The following GSG1L variants were observed in gnomAD, a reference collection of about 807,000 sequenced individuals.
GSG1L encodes GSG1 like, also known as germ cell-specific gene 1-like protein.
GSG1L carries 24 observed loss-of-function variants against 42.1 expected under a neutral mutation model. The observed-to-expected ratio is 0.57, with a 90% CI of 0.41 to 0.80. The LOEUF is 0.80. Among genes scored for constraint, GSG1L ranks in the 30% least tolerant of loss-of-function variants. GSG1L has a pLI of 0.00. For synonymous variants in GSG1L, 215 were observed against 203.5 expected, an observed-to-expected ratio of 1.06 and a Z score of -0.48; for missense variants, 445 against 472.2, an observed-to-expected ratio of 0.94 and a Z score of 0.53.
chr16:27,998,229 C>T (rs2085540495), intron 1 of GSG1L: 1 of 152,200 alleles, frequency 6.6e-6, no homozygotes, highest in Admixed American at 6.5e-5. Flanking sequence ...ATTTAGCTCC[C>T]ATTTATAAGT....
At chr16:27,860,906 G>A (rs958889449) in intron 3 of GSG1L, among the ~76,000 whole-genome samples, 2 of 152,136 alleles carry the variant, frequency 1.3e-5, no homozygotes, top group East Asian at 3.9e-4. Context: ...TGTTACAGAA[G>A]CTGTGGTAGA....
At chr16:27,925,396 G>A (rs1181258032) in intron 2 of GSG1L, among the ~76,000 whole-genome samples, 1 of 152,060 alleles carries the variant, frequency 6.6e-6, no homozygotes, top group Non-Finnish European at 1.5e-5. Context: ...GTGGTGGGAG[G>A]GAGGAGGGGT....
chr16:27,967,151 A>C (rs970574334), intron 1 of GSG1L, among the ~76,000 whole-genome samples: 1 of 152,212 alleles, frequency 6.6e-6, no homozygotes, highest in African/African-American at 2.4e-5. Flanking sequence ...ACGATCTAGA[A>C]GCTTTCGGCA....
At chr16:28,039,757 T>G (rs2086086370) in intron 1 of GSG1L, among the ~76,000 whole-genome samples, 1 of 151,186 alleles carries the variant, frequency 6.6e-6, no homozygotes, top group South Asian at 2.1e-4. Flanking sequence ...CACATACACA[T>G]TCACATACAC....
chr16:27,804,080 T>TAGATAGATAGAG (rs1211091283), intron 6 of GSG1L, among the ~76,000 whole-genome samples: 9 of 148,900 alleles, frequency 6.0e-5, no homozygotes, highest in African/African-American at 2.2e-4. Flanking sequence ...GATAGATAGA[T>TAGATAGATAGAG]AAAGAAATAG....
chr16:27,978,242 G>A (rs2085272942), intron 1 of GSG1L, among the ~76,000 whole-genome samples: 1 of 152,158 alleles, frequency 6.6e-6, no homozygotes, highest in African/African-American at 2.4e-5. Context: ...TCCACCCCCA[G>A]ATCTCCTCCT....
chr16:27,864,730 G>A (rs1356162932), intron 3 of GSG1L, among the ~76,000 whole-genome samples: 2 of 152,214 alleles, frequency 1.3e-5, no homozygotes, highest in East Asian at 3.8e-4. Flanking sequence ...AATGGAGGTT[G>A]CAAAGCCCTC....
intron 2 of GSG1L, among the ~76,000 whole-genome samples, chr16:27,959,334 GGC>G (rs1296341338): frequency 6.6e-6 from 1 of 151,478 alleles, no homozygotes; most frequent in East Asian, 1.9e-4. Flanking sequence ...CGGGCATGGT[GGC>G]GTGCGCCTGT....
chr16:27,888,458 TTCTTTC>T (rs1213940516), intron 2 of GSG1L, among the ~76,000 whole-genome samples: 3,083 of 45,578 alleles, frequency 0.068, 364 homozygotes, highest in African/African-American at 0.13. Flanking sequence ...CTTTCTTTCT[TTCTTTC>T]TCTCTCTCTC....
chr16:27,967,708 T>A (rs755951024), intron 1 of GSG1L, among the ~76,000 whole-genome samples: 1 of 152,064 alleles, frequency 6.6e-6, no homozygotes, highest in Non-Finnish European at 1.5e-5. Context: ...AGCCCAGGAG[T>A]TCGAGACCAG....
intron 5 of GSG1L, among the ~76,000 whole-genome samples, chr16:27,817,902 G>C (rs933218483): frequency 6.6e-6 from 1 of 152,148 alleles, no homozygotes; most frequent in Admixed American, 6.5e-5. Flanking sequence ...GCCTTGGCTG[G>C]CCACATCCAC....
chr16:27,865,592 TACAC>T (rs1395794457), intron 3 of GSG1L, among the ~76,000 whole-genome samples: 1 of 121,868 alleles, frequency 8.2e-6, no homozygotes, highest in African/African-American at 2.9e-5. Flanking sequence ...CATACATACA[TACAC>T]ACACATATAT....
intron 2 of GSG1L, among the ~76,000 whole-genome samples, chr16:27,941,774 T>C (rs1470302198): frequency 1.3e-5 from 2 of 151,466 alleles, no homozygotes; most frequent in Non-Finnish European, 3.0e-5. Context: ...ATATTAGCCT[T>C]AGGAAGAAAT....
intron 3 of GSG1L, among the ~76,000 whole-genome samples, chr16:27,881,464 A>G (rs2083954800): frequency 6.6e-6 from 1 of 151,556 alleles, no homozygotes; most frequent in African/African-American, 2.4e-5. Context: ...CTGGTCTCGA[A>G]CTCCTGACCT....
chr16:27,875,875 AG>A (rs981751046), intron 3 of GSG1L, among the ~76,000 whole-genome samples: 59 of 152,248 alleles, frequency 3.9e-4, no homozygotes, highest in Admixed American at 3.5e-3. Context: ...CCGCATGGAG[AG>A]GGCCTGACTG....
intron 4 of GSG1L, among the ~76,000 whole-genome samples, chr16:27,838,834 C>T (rs1276531115): frequency 1.3e-5 from 2 of 152,178 alleles, no homozygotes; most frequent in African/African-American, 2.4e-5. Flanking sequence ...CCCTCCATGG[C>T]CCACAGGGCA....
intron 2 of GSG1L, among the ~76,000 whole-genome samples, chr16:27,961,452 G>T (rs551008278): frequency 6.6e-6 from 1 of 152,316 alleles, no homozygotes; most frequent in East Asian, 1.9e-4. Context: ...GGTGTGAAGC[G>T]CAGGCCTGGA....
rs941934768 is a variant in GSG1L, at chr16:27,835,094, G to A, written c.663-6138C>T. 2.0e-5 allele frequency among the ~76,000 whole-genome samples: 3 copies of A among 152,022 alleles called. No individual in the cohort carries two copies. The East Asian group carries it at 5.8e-4, about 29-fold the overall frequency. ...ATTTGGTTGTTCTATTAATTGTTGAGAAAGCCATATTGAAATCTCTAATTA... is the reference window on the plus strand; with the variant it reads ...ATTTGGTTGTTCTATTAATTGTTGAAAAAGCCATATTGAAATCTCTAATTA... On this transcript the variant is annotated intron_variant, in intron 4 of 6. Coordinates refer to ENST00000447459, the MANE Select transcript of GSG1L (RefSeq NM_001109763.2).
intron 2 of GSG1L, among the ~76,000 whole-genome samples, chr16:27,930,485 G>C (rs1254164519): frequency 6.6e-6 from 1 of 152,200 alleles, no homozygotes; most frequent in Non-Finnish European, 1.5e-5. Flanking sequence ...TAAGCTCCAG[G>C]AAGACAGGAT....
Sources: allele counts gnomAD v4.1 joint callset (sites outside exome capture counted in the v4.1 genomes callset), GRCh38; gene constraint gnomAD v4.1.1; transcripts MANE v1.5; gene names NCBI Gene and HGNC (gene_info 2026-07-23, HGNC 2026-07-21).